Variants in PDE4D observed in about 807,000 individuals in gnomAD.
PDE4D encodes the protein 3',5'-cyclic-AMP phosphodiesterase 4D.
PDE4D carries 24 observed loss-of-function variants against 87.4 expected under a neutral mutation model. That is an observed-to-expected ratio of 0.27 (90% CI 0.20 to 0.39). PDE4D has a LOEUF of 0.39. PDE4D is among the 10% of genes least tolerant of loss of function. The pLI is 1.00. For missense variants in PDE4D, 714 were observed against 1,041.0 expected (o/e 0.69, Z 4.32); for synonymous variants, 384 against 383.2 (o/e 1.00, Z -0.02).
chr5:59,371,920 T>C (rs1783999488), intron 1 of PDE4D, among the ~76,000 whole-genome samples: 3 of 152,194 alleles, frequency 2.0e-5, no homozygotes, highest in South Asian at 2.1e-4. Context: ...TATGCTCATG[T>C]TCTACTGGAC....
chr5:59,315,782 G>C (rs1773596519), intron 1 of PDE4D, among the ~76,000 whole-genome samples: 1 of 152,154 alleles, frequency 6.6e-6, no homozygotes, highest in South Asian at 2.1e-4. Context: ...ATTGCCCAAA[G>C]AGTACATGTG....
intron 2 of PDE4D, among the ~76,000 whole-genome samples, chr5:60,184,762 G>A (rs1784644079): frequency 6.6e-6 from 1 of 152,188 alleles, no homozygotes; most frequent in South Asian, 2.1e-4. Flanking sequence ...CCATACTAGA[G>A]AAATGTGTTT....
intron 1 of PDE4D, among the ~76,000 whole-genome samples, chr5:59,304,507 A>T (rs949926512): frequency 1.3e-5 from 2 of 152,090 alleles, no homozygotes; most frequent in African/African-American, 4.8e-5. Context: ...ACTTTTCCCC[A>T]TTCAGTATTA....
At chr5:59,895,448 G>A (rs142980284), upstream of PDE4D, among the ~76,000 whole-genome samples, 117 of 152,296 alleles carry the variant, frequency 7.7e-4, no homozygotes, top group Non-Finnish European at 1.3e-3. Flanking sequence ...AATCTCCTAA[G>A]CACCACTCTC....
intron 3 of PDE4D, among the ~76,000 whole-genome samples, chr5:59,969,886 G>A (rs369954909): frequency 1.2e-4 from 19 of 152,190 alleles, no homozygotes; most frequent in Non-Finnish European, 1.9e-4. Flanking sequence ...AAATTACCCC[G>A]TCTAGGGCAG....
chr5:59,878,865 G>A (rs1234586848), intron 1 of PDE4D, among the ~76,000 whole-genome samples: 5 of 144,166 alleles, frequency 3.5e-5, no homozygotes, highest in Non-Finnish European at 6.0e-5. Flanking sequence ...CCACTCCATG[G>A]TCTACATATC....
rs1742824110 is a variant in PDE4D at position 58,972,671 on chromosome 5, A to C, written c.*1993T>G. On this transcript the variant is annotated 3_prime_UTR_variant, in exon 15 of 15. Coordinates refer to ENST00000340635, the MANE Select transcript of PDE4D (RefSeq NM_001104631.2). ...TTGAATATCAATGTGAAAAATGATTATTTGGGCTTTAAAGTCTTCATAGAG... is the reference window on the plus strand; with the variant it reads ...TTGAATATCAATGTGAAAAATGATTCTTTGGGCTTTAAAGTCTTCATAGAG... The C allele has an allele frequency of 6.6e-6, 1 of 152,164 alleles. No homozygotes were observed. The allele number at this position is 152,164 out of a possible 1,614,324, so 9.4% of individuals were successfully genotyped here. A position where few individuals can be genotyped will look rare whatever the true frequency, so the allele number is the denominator to read the frequency against.
At chr5:59,726,824 C>T (rs899680562) in intron 1 of PDE4D, among the ~76,000 whole-genome samples, 1 of 152,018 alleles carries the variant, frequency 6.6e-6, no homozygotes. Context: ...CACTTGCATA[C>T]ATATATGTAA....
intron 2 of PDE4D, among the ~76,000 whole-genome samples, chr5:60,110,346 CA>C (rs1777546039): frequency 6.6e-6 from 1 of 151,906 alleles, no homozygotes; most frequent in Admixed American, 6.6e-5. Flanking sequence ...TAAGGTGATT[CA>C]AAAGTGGGCA....
chr5:59,085,275 T>C (rs1302818138), intron 5 of PDE4D, among the ~76,000 whole-genome samples: 5 of 152,180 alleles, frequency 3.3e-5, no homozygotes, highest in South Asian at 2.1e-4. Flanking sequence ...TGATGCAATA[T>C]ACTGTGAAAT....
At chr5:59,642,704 C>A (rs1554050271) in intron 1 of PDE4D, among the ~76,000 whole-genome samples, 1 of 152,122 alleles carries the variant, frequency 6.6e-6, no homozygotes, top group Non-Finnish European at 1.5e-5. Context: ...TCAGGTATGT[C>A]TTTATCAGCA....
At chr5:60,011,224 C>T (rs1181266966) in intron 2 of PDE4D, among the ~76,000 whole-genome samples, 1 of 152,072 alleles carries the variant, frequency 6.6e-6, no homozygotes, top group African/African-American at 2.4e-5. Flanking sequence ...AAGTGGTCAG[C>T]ACTATTGAGA....
intron 1 of PDE4D, among the ~76,000 whole-genome samples, chr5:60,298,869 T>C (rs1037572888): frequency 2.0e-5 from 3 of 152,178 alleles, no homozygotes; most frequent in Non-Finnish European, 2.9e-5. Flanking sequence ...ATATAAGACA[T>C]TAGAAATATA....
chr5:59,349,495 A>G lies in PDE4D; in HGVS notation c.456-133527T>C, dbSNP rs139401679. On this transcript the variant is annotated intron_variant, in intron 1 of 14. Coordinates refer to ENST00000340635, the MANE Select transcript of PDE4D (RefSeq NM_001104631.2). Reference sequence around the variant, plus strand: ...CTGCTCAGTCAAGGTACTGTCTCTTAAAATCACTTGATGGGGGCTCATCCA... The same window carrying G: ...CTGCTCAGTCAAGGTACTGTCTCTTGAAATCACTTGATGGGGGCTCATCCA... 5.1e-3 allele frequency among the ~76,000 whole-genome samples: 778 copies of G among 152,274 alleles called. 3 individuals are homozygous for G. Among genetic ancestry groups the G allele is most frequent in the Non-Finnish European group, 7.6e-3 (514 of 68,010 alleles).
At chr5:59,863,617 T>C (rs1044641911) in intron 1 of PDE4D, among the ~76,000 whole-genome samples, 3 of 152,202 alleles carry the variant, frequency 2.0e-5, no homozygotes, top group Non-Finnish European at 4.4e-5. Flanking sequence ...TACTTCTATC[T>C]ACATGTTAAT....
chr5:60,421,591 C>A (rs1038121854), intron 1 of PDE4D, among the ~76,000 whole-genome samples: 2 of 152,142 alleles, frequency 1.3e-5, no homozygotes, highest in Non-Finnish European at 2.9e-5. Flanking sequence ...GGAGAGAAAC[C>A]AGTGCAGAAA....
At chr5:59,364,919 T>C (rs1014379403) in intron 1 of PDE4D, among the ~76,000 whole-genome samples, 3 of 151,924 alleles carry the variant, frequency 2.0e-5, no homozygotes, top group African/African-American at 7.3e-5. Flanking sequence ...CACAAATGCA[T>C]GTTTAGCATC....
chr5:60,228,448 A>G (rs7721457), intron 1 of PDE4D, among the ~76,000 whole-genome samples: 117,296 of 151,976 alleles, frequency 0.77, 45,423 homozygotes, highest in East Asian at 0.85. Flanking sequence ...GAGAAATATC[A>G]CATGCCATTT....
chr5:60,431,784 C>G (rs1035541502), intron 1 of PDE4D, among the ~76,000 whole-genome samples: 4 of 152,260 alleles, frequency 2.6e-5, no homozygotes, highest in Non-Finnish European at 5.9e-5. Flanking sequence ...CTGGGCACCA[C>G]TGAGCACTGA....
Sources: allele counts gnomAD v4.1 joint callset (sites outside exome capture counted in the v4.1 genomes callset), GRCh38; gene constraint gnomAD v4.1.1; transcripts MANE v1.5; gene names NCBI Gene and HGNC (gene_info 2026-07-23, HGNC 2026-07-21).